The following RAD51B variants were observed in gnomAD, a reference collection of about 807,000 sequenced individuals.
The protein encoded by RAD51B is DNA repair protein RAD51 homolog 2.
Under a neutral mutation model 42.2 loss-of-function variants are expected in RAD51B, and 38 were observed. The observed-to-expected ratio is 0.90, with a 90% confidence interval of 0.70 to 1.18. The LOEUF is 1.18. RAD51B is among the 50% of genes most tolerant of loss of function. The probability of loss-of-function intolerance (pLI) is 0.00; values close to 1 mark genes in which losing one functional copy is unlikely to be tolerated. For missense variants in RAD51B, 373 were observed against 400.7 expected (o/e 0.93, Z 0.59); for synonymous variants, 154 against 145.2 (o/e 1.06, Z -0.43).
intron 7 of RAD51B, among the ~76,000 whole-genome samples, chr14:68,004,225 C>G (rs912436581): frequency 6.7e-6 from 1 of 148,942 alleles, no homozygotes; most frequent in South Asian, 2.1e-4. Context: ...CCCAGCTACT[C>G]GGGACGCTGA....
chr14:67,921,622 C>CAT (rs1555415757), intron 7 of RAD51B, among the ~76,000 whole-genome samples: 39 of 128,264 alleles, frequency 3.0e-4, no homozygotes, highest in African/African-American at 1.0e-3. Context: ...CACACACACA[C>CAT]ATTTTGTGGT....
intron 7 of RAD51B, among the ~76,000 whole-genome samples, chr14:68,172,567 T>A (rs2078893774): frequency 6.6e-6 from 1 of 152,138 alleles, no homozygotes; most frequent in Non-Finnish European, 1.5e-5. Flanking sequence ...ATACAATATT[T>A]AAGAGGTTAT....
At chr14:68,210,147 A>G (rs1217205346) in intron 7 of RAD51B, among the ~76,000 whole-genome samples, 1 of 152,014 alleles carries the variant, frequency 6.6e-6, no homozygotes, top group Non-Finnish European at 1.5e-5. Context: ...TTTAGTAGAG[A>G]CAGGATTTCA....
chr14:68,054,361 T>G (rs547245649), intron 7 of RAD51B, among the ~76,000 whole-genome samples: 40 of 152,296 alleles, frequency 2.6e-4, no homozygotes, highest in Middle Eastern at 3.4e-3. Context: ...TCTCTAATGA[T>G]TTCTTATTAT....
chr14:67,936,395 A>G (rs914955061), intron 7 of RAD51B, among the ~76,000 whole-genome samples: 1 of 152,196 alleles, frequency 6.6e-6, no homozygotes, highest in African/African-American at 2.4e-5. Flanking sequence ...AAAGTTTTCA[A>G]AATTAGTGTT....
rs143073479 is a variant in RAD51B, at chr14:68,161,342, A to T, written c.757-130542A>T. Among the ~76,000 whole-genome samples the T allele has an allele frequency of 4.0e-3, 608 of 152,316 alleles. 7 individuals carry two copies. Among genetic ancestry groups the T allele is most frequent in the Middle Eastern group, 0.017 (5 of 294 alleles). ...TGTAGTAGCACCAGGTGTATACTCT[A>T]CTAGCTTAGCAACCTTAGTAGAAAG... On this transcript the variant is annotated intron_variant, in intron 7 of 10. Coordinates refer to ENST00000471583, the MANE Select transcript of RAD51B (RefSeq NM_133510.4).
chr14:68,554,440 G>T (rs755922166), intron 10 of RAD51B, among the ~76,000 whole-genome samples: 1 of 152,066 alleles, frequency 6.6e-6, no homozygotes, highest in Non-Finnish European at 1.5e-5. Flanking sequence ...GGTTTCCCTT[G>T]GTGAGTGGTT....
chr14:68,065,047 C>T (rs182663880), intron 7 of RAD51B, among the ~76,000 whole-genome samples: 2 of 152,134 alleles, frequency 1.3e-5, no homozygotes, highest in Admixed American at 1.3e-4. Context: ...ATCTTGGATC[C>T]CTGTGTTGAT....
At chr14:67,831,739 T>TTGCAATTTTTAGTAGAGTACAGG in intron 3 of RAD51B, among the ~76,000 whole-genome samples, 1 of 152,100 alleles carries the variant, frequency 6.6e-6, no homozygotes, top group East Asian at 1.9e-4. Flanking sequence ...AGATGGGGTT[T>TTGCAATTTTTAGTAGAGTACAGG]CTCCATGTTT....
chr14:68,206,368 G>T (rs1422536327), intron 7 of RAD51B, among the ~76,000 whole-genome samples: 5 of 152,116 alleles, frequency 3.3e-5, no homozygotes, highest in Non-Finnish European at 5.9e-5. Flanking sequence ...CAAATAGCTT[G>T]CTCTTCATCA....
At chr14:68,545,649 T>G (rs1888186730) in intron 10 of RAD51B, 1 of 455,594 alleles carries the variant, frequency 2.2e-6, no homozygotes, top group African/African-American at 2.0e-5. Flanking sequence ...AGGGCATGCC[T>G]ATAGACACCT....
Position 68,415,891 on chromosome 14 carries a change from A to G in RAD51B, c.957+4364A>G, listed in dbSNP as rs187706704. Among the ~76,000 whole-genome samples, 8 of 152,366 alleles carry G rather than the reference A, an allele frequency of 5.3e-5. No individual in the cohort carries two copies. In the East Asian group the frequency reaches 1.5e-3, roughly 29 times the overall value. On this transcript the variant is annotated intron_variant, in intron 9 of 10. Transcript: ENST00000471583. ...CCTAGAAAGAGTAATGAAGTAAATG[A>G]ATCCTGACTAAGCCTCACACCCGCT...
intron 10 of RAD51B, among the ~76,000 whole-genome samples, chr14:68,636,898 C>T (rs966006201): frequency 2.6e-5 from 4 of 152,348 alleles, no homozygotes; most frequent in African/African-American, 9.6e-5. Flanking sequence ...TTCCAGGCCT[C>T]TTGGGAGAGC....
At chr14:67,945,273 T>A (rs760022149) in intron 7 of RAD51B, among the ~76,000 whole-genome samples, 6 of 152,204 alleles carry the variant, frequency 3.9e-5, no homozygotes, top group Non-Finnish European at 5.9e-5. Context: ...TCTAATTGGC[T>A]TCTCTAGTGC....
intron 10 of RAD51B, among the ~76,000 whole-genome samples, chr14:68,493,664 A>G (rs1300563369): frequency 6.6e-6 from 1 of 152,214 alleles, no homozygotes; most frequent in East Asian, 1.9e-4. Context: ...GACCTATTTT[A>G]TAGAAGCCGA....
chr14:68,678,499 A>G (rs1322576805), intron 11 of RAD51B, among the ~76,000 whole-genome samples: 1 of 147,058 alleles, frequency 6.8e-6, no homozygotes, highest in Non-Finnish European at 1.5e-5. Flanking sequence ...CAGAGATTAC[A>G]GTCTAGTGAA....
intron 8 of RAD51B, among the ~76,000 whole-genome samples, chr14:68,297,020 G>A (rs1471292145): frequency 6.6e-6 from 1 of 152,218 alleles, no homozygotes; most frequent in African/African-American, 2.4e-5. Context: ...ATTGATGGCT[G>A]ATTTCATGTG....
At chr14:67,985,278 C>G (rs962884462) in intron 7 of RAD51B, among the ~76,000 whole-genome samples, 1 of 152,138 alleles carries the variant, frequency 6.6e-6, no homozygotes, top group African/African-American at 2.4e-5. Context: ...TAGTAAATTG[C>G]AGAGGTTGCA....
chr14:67,904,267 C>T (rs1002460048), intron 7 of RAD51B, among the ~76,000 whole-genome samples: 1 of 152,022 alleles, frequency 6.6e-6, no homozygotes, highest in East Asian at 1.9e-4. Context: ...TGGTTATATA[C>T]CTAGTAGTAG....
Sources: allele counts gnomAD v4.1 joint callset (sites outside exome capture counted in the v4.1 genomes callset), GRCh38; gene constraint gnomAD v4.1.1; transcripts MANE v1.5; gene names NCBI Gene and HGNC (gene_info 2026-07-23, HGNC 2026-07-21).